Variants in KRT8 observed in about 807,000 individuals in gnomAD.
KRT8 encodes the protein keratin, type II cytoskeletal 8.
KRT8 carries 24 observed loss-of-function variants against 43.0 expected under a neutral mutation model. The ratio of observed to expected loss-of-function variants is 0.56; its 90% confidence interval spans 0.40 to 0.78. The LOEUF (loss-of-function observed/expected upper bound fraction) is 0.78. Among genes scored for constraint, KRT8 ranks in the 30% least tolerant of loss-of-function variants. KRT8 has a pLI of 0.00. For synonymous variants in KRT8, 214 were observed against 261.2 expected (o/e 0.82, Z 1.74); for missense variants, 492 against 638.4 (o/e 0.77, Z 2.47).
chr12:52,941,825 T>C (rs1342548178), intron 2 of KRT8, among the ~76,000 whole-genome samples: 1 of 152,126 alleles, frequency 6.6e-6, no homozygotes, highest in Non-Finnish European at 1.5e-5. Context: ...GAGCATTCAT[T>C]TGACCTCCGT....
chr12:52,909,512 T>C (rs1048141645), upstream of KRT8, among the ~76,000 whole-genome samples: 4 of 152,234 alleles, frequency 2.6e-5, no homozygotes, highest in African/African-American at 9.7e-5. Context: ...AAATTTTTCA[T>C]TGTCAAAGCT....
chr12:52,940,432 C>CAA (rs959352157), intron 2 of KRT8, among the ~76,000 whole-genome samples: 16 of 50,742 alleles, frequency 3.2e-4, no homozygotes, highest in South Asian at 1.4e-3. Context: ...GACTCAGTCT[C>CAA]AAAAAAAAAA....
chr12:52,935,336 G>A (rs982162798), intron 2 of KRT8, among the ~76,000 whole-genome samples: 3 of 133,594 alleles, frequency 2.2e-5, no homozygotes, highest in Non-Finnish European at 3.1e-5. Flanking sequence ...TCGAGATCGT[G>A]CCATTGCACT....
chr12:52,899,831 C>G, exon 5 of KRT8: 2 of 1,612,116 alleles, frequency 1.2e-6, no homozygotes, highest in Non-Finnish European at 1.7e-6. Flanking sequence ...CGGTTCATCT[C>G]AGAGATCTCA....
At chr12:52,921,974 T>C (rs977308704) in intron 2 of KRT8, among the ~76,000 whole-genome samples, 6 of 151,728 alleles carry the variant, frequency 4.0e-5, no homozygotes, top group Non-Finnish European at 7.4e-5. Flanking sequence ...AAGACCAGCC[T>C]GGACAACACA....
At position 52,899,661 on chromosome 12, in the gene KRT8, G is replaced by A. The variant is rs188522040; in HGVS notation, c.981+114C>T. On this transcript the variant is annotated intron_variant, in intron 5 of 7. Coordinates refer to ENST00000692008, the Ensembl canonical transcript of KRT8. The stretch of plus-strand genomic sequence containing the variant: ...AACTGTGGCTGCCCCTCCAACTCCT[G>A]AACCCTGGTCTAGGATTCCTTCCCC... 2.4e-5 allele frequency: 23 copies of A among 939,380 alleles called. No individual in the cohort carries two copies. In the Admixed American group the frequency reaches 5.0e-4, roughly 20 times the overall value. The allele number at this position is 939,380 out of a possible 1,614,324, so 58.2% of individuals were successfully genotyped here.
chr12:52,902,253 G>A, intron 1 of KRT8, 181 bp from the exon 2 acceptor site: 1 of 613,182 alleles, frequency 1.6e-6, no homozygotes, highest in South Asian at 1.9e-5. Flanking sequence ...ATGGCATGAT[G>A]GTGAGGTGGG....
intron 2 of KRT8, among the ~76,000 whole-genome samples, chr12:52,931,118 A>C (rs1403640204): frequency 7.4e-5 from 11 of 149,378 alleles, no homozygotes; most frequent in African/African-American, 2.2e-4. Context: ...CCCAGGCTGC[A>C]GTGCAGTGGC....
At chr12:52,936,533 A>G (rs61360258) in intron 2 of KRT8, among the ~76,000 whole-genome samples, 1 of 151,958 alleles carries the variant, frequency 6.6e-6, no homozygotes, top group Non-Finnish European at 1.5e-5. Context: ...TGTTGTTGAG[A>G]TGGAGTTTCA....
intron 2 of KRT8, among the ~76,000 whole-genome samples, chr12:52,916,880 A>C (rs549339559): frequency 6.6e-6 from 1 of 152,248 alleles, no homozygotes; most frequent in East Asian, 1.9e-4. Context: ...GAGAATGGGC[A>C]CCATATTCCA....
intron 2 of KRT8, among the ~76,000 whole-genome samples, chr12:52,922,346 G>T (rs1363015407): frequency 6.6e-6 from 1 of 152,030 alleles, no homozygotes; most frequent in Non-Finnish European, 1.5e-5. Context: ...CTGTACCATA[G>T]GTTTTTATAA....
chr12:52,934,308 C>A (rs1193309811), intron 2 of KRT8, among the ~76,000 whole-genome samples: 1 of 152,078 alleles, frequency 6.6e-6, no homozygotes, highest in Non-Finnish European at 1.5e-5. Flanking sequence ...CGCCTCTAAT[C>A]CCAGCACTTT....
chr12:52,926,332 G>GGCCAA, intron 2 of KRT8: 3 of 600,272 alleles, frequency 5.0e-6, no homozygotes, highest in Non-Finnish European at 3.0e-6. Context: ...GGCACTAGCT[G>GGCCAA]CCCTCCCCAC....
chr12:52,926,441 C>T, intron 2 of KRT8: 9 of 1,535,740 alleles, frequency 5.9e-6, no homozygotes, highest in Non-Finnish European at 7.8e-6. Flanking sequence ...TCCAGCTCAC[C>T]CCATTCATTC....
chr12:52,921,318 C>T (rs1217124346), intron 2 of KRT8, among the ~76,000 whole-genome samples: 2 of 152,194 alleles, frequency 1.3e-5, no homozygotes, highest in African/African-American at 2.4e-5. Context: ...CAACAGCAGC[C>T]TCCAGAACAT....
At chr12:52,934,006 G>T (rs1403606726) in intron 2 of KRT8, among the ~76,000 whole-genome samples, 3 of 150,882 alleles carry the variant, frequency 2.0e-5, no homozygotes, top group Non-Finnish European at 3.0e-5. Flanking sequence ...GAGGCGGGTG[G>T]ATCACAAGGT....
intron 2 of KRT8, among the ~76,000 whole-genome samples, chr12:52,936,574 G>A (rs550447822): frequency 3.3e-5 from 5 of 152,240 alleles, no homozygotes; most frequent in South Asian, 2.1e-4. Flanking sequence ...GTGCAATGGC[G>A]CAATCTGCAC....
chr12:52,909,940 T>C (rs1014527145), upstream of KRT8, among the ~76,000 whole-genome samples: 1 of 152,088 alleles, frequency 6.6e-6, no homozygotes, highest in Admixed American at 6.5e-5. Flanking sequence ...CTCCCACACT[T>C]TTTTTTCTTT....
upstream of KRT8, among the ~76,000 whole-genome samples, chr12:52,908,270 G>A (rs1262511243): frequency 2.6e-5 from 4 of 152,010 alleles, no homozygotes; most frequent in Admixed American, 2.6e-4. Flanking sequence ...CTGTCACCCA[G>A]ACTGGAGTGC....
Sources: gnomAD v4.1 joint callset for allele counts (sites outside exome capture counted in the v4.1 genomes callset) on GRCh38, gnomAD v4.1.1 for gene constraint, MANE v1.5 for transcripts, NCBI Gene and HGNC (gene_info 2026-07-23, HGNC 2026-07-21) for gene names.